Variants in BLK observed in about 807,000 individuals in gnomAD.
BLK encodes the protein BLK proto-oncogene, Src family tyrosine kinase.
BLK carries 64 observed loss-of-function variants against 61.8 expected under a neutral mutation model. The observed-to-expected ratio is 1.03, with a 90% CI of 0.85 to 1.27. The LOEUF (loss-of-function observed/expected upper bound fraction) is 1.27, where lower values mean the gene tolerates loss of function less well. BLK is among the 50% of genes most tolerant of loss of function. BLK has a pLI of 0.00. For synonymous variants in BLK, 351 were observed against 272.0 expected, an observed-to-expected ratio of 1.29 and a Z score of -2.86; for missense variants, 853 against 660.5, an observed-to-expected ratio of 1.29 and a Z score of -3.19.
At chr8:11,549,192 A>G in intron 5 of BLK, 70 bp downstream of exon 5, 1 of 1,411,438 alleles carries the variant, frequency 7.1e-7, no homozygotes, top group South Asian at 1.2e-5. Context: ...GCTGTTAGGC[A>G]GGGCAGGGCC....
intron 1 of BLK, among the ~76,000 whole-genome samples, chr8:11,513,833 G>A (rs936019739): frequency 3.3e-5 from 5 of 152,194 alleles, no homozygotes; most frequent in African/African-American, 1.2e-4. Flanking sequence ...GCCGCGCACT[G>A]CATGAGAACC....
intron 1 of BLK, among the ~76,000 whole-genome samples, chr8:11,508,383 T>C (rs1250308030): frequency 2.0e-5 from 3 of 152,200 alleles, no homozygotes; most frequent in Non-Finnish European, 4.4e-5. Flanking sequence ...TCAGAAAACC[T>C]GGGATCCAGA....
chr8:11,515,393 T>C (rs1014725496), intron 1 of BLK, among the ~76,000 whole-genome samples: 2 of 152,162 alleles, frequency 1.3e-5, no homozygotes, highest in South Asian at 4.1e-4. Context: ...TGAGAGGTAG[T>C]GCCAGGGGTC....
At chr8:11,560,669 C>T (rs1801466909) in intron 10 of BLK, 1 of 355,690 alleles carries the variant, frequency 2.8e-6, no homozygotes, top group African/African-American at 2.1e-5. Context: ...TCTTCTTCTT[C>T]ACAGCCTCTG....
At chr8:11,555,667 C>A (rs1287028505) in intron 8 of BLK, 183 bp downstream of exon 8, 4 of 931,322 alleles carry the variant, frequency 4.3e-6, no homozygotes, top group Non-Finnish European at 6.6e-6. Context: ...CGCGTTGTAA[C>A]AGCTGGGACC....
intron 1 of BLK, among the ~76,000 whole-genome samples, chr8:11,500,111 T>A (rs1798500153): frequency 6.6e-6 from 1 of 152,208 alleles, no homozygotes; most frequent in Admixed American, 6.5e-5. Flanking sequence ...TGCAGTCAAA[T>A]GTCCAGCTGT....
intron 1 of BLK, chr8:11,509,650 G>C (rs1156800593): frequency 6.6e-6 from 1 of 152,206 alleles, no homozygotes; most frequent in East Asian, 1.9e-4. Flanking sequence ...AGAAGCCACA[G>C]AAAGAGCTGG....
intron 1 of BLK, among the ~76,000 whole-genome samples, chr8:11,496,254 C>G (rs1277920986): frequency 1.3e-5 from 2 of 151,892 alleles, no homozygotes; most frequent in African/African-American, 4.8e-5. Context: ...TTTTGTTTTT[C>G]AGAGATGGGG....
intron 1 of BLK, among the ~76,000 whole-genome samples, chr8:11,521,766 C>T (rs897170391): frequency 5.9e-5 from 9 of 152,206 alleles, no homozygotes; most frequent in African/African-American, 2.2e-4. Context: ...TGAGACTCTC[C>T]GTTCACTTCC....
At chr8:11,504,707 T>G (rs1798702229) in intron 1 of BLK, among the ~76,000 whole-genome samples, 1 of 152,258 alleles carries the variant, frequency 6.6e-6, no homozygotes, top group Non-Finnish European at 1.5e-5. Context: ...GAGGACGGTC[T>G]AAGCGACTGA....
intron 1 of BLK, among the ~76,000 whole-genome samples, chr8:11,506,058 C>A: frequency 6.6e-6 from 1 of 152,230 alleles, no homozygotes. Flanking sequence ...GATGGTAGAA[C>A]AGGTTTTGGG....
At chr8:11,561,221 G>C in intron 10 of BLK, 81 bp from the exon 11 acceptor site, 1 of 1,545,868 alleles carries the variant, frequency 6.5e-7, no homozygotes, top group South Asian at 1.2e-5. Context: ...GCCCACAGGG[G>C]CTGTGCGGGG....
At chr8:11,562,629 T>C (rs1801542942) in intron 11 of BLK, among the ~76,000 whole-genome samples, 1 of 152,214 alleles carries the variant, frequency 6.6e-6, no homozygotes, top group Non-Finnish European at 1.5e-5. Context: ...GCCATGTCTT[T>C]TAAATTAAAC....
chr8:11,502,623 T>C (rs975700486), intron 1 of BLK, among the ~76,000 whole-genome samples: 3 of 152,200 alleles, frequency 2.0e-5, no homozygotes, highest in Admixed American at 6.5e-5. Context: ...GCATAATGAT[T>C]TGAATAATTC....
intron 3 of BLK, among the ~76,000 whole-genome samples, chr8:11,546,845 G>C (rs1800668979): frequency 1.3e-5 from 2 of 152,216 alleles, no homozygotes; most frequent in Admixed American, 6.5e-5. Context: ...CAAAGTGCTG[G>C]GATTACAGGC....
intron 1 of BLK, among the ~76,000 whole-genome samples, chr8:11,538,663 G>T (rs1045501858): frequency 3.9e-5 from 6 of 152,220 alleles, no homozygotes; most frequent in Non-Finnish European, 8.8e-5. Flanking sequence ...AGAAAGACAA[G>T]AGGGCTGGTC....
At chr8:11,563,457 G>A (rs1180506496) in intron 12 of BLK, among the ~76,000 whole-genome samples, 2 of 152,222 alleles carry the variant, frequency 1.3e-5, no homozygotes, top group Non-Finnish European at 2.9e-5. Context: ...ATTCCCCAAA[G>A]CCCCTTCCTG....
intron 1 of BLK, among the ~76,000 whole-genome samples, chr8:11,522,199 C>A (rs1182568565): frequency 6.6e-6 from 1 of 152,020 alleles, no homozygotes. Flanking sequence ...TAAAAAAAAA[C>A]TACATTTTTC....
chr8:11,550,822 G>T (rs1410776744), intron 6 of BLK, among the ~76,000 whole-genome samples: 1 of 152,172 alleles, frequency 6.6e-6, no homozygotes, highest in African/African-American at 2.4e-5. Flanking sequence ...TCTGTCATTT[G>T]GCTTTCTTTC....
Sources: gnomAD v4.1 joint callset for allele counts (sites outside exome capture counted in the v4.1 genomes callset) on GRCh38, gnomAD v4.1.1 for gene constraint, MANE v1.5 for transcripts, NCBI Gene and HGNC (gene_info 2026-07-23, HGNC 2026-07-21) for gene names.